Variants in MBNL2 observed in about 807,000 individuals in gnomAD.
MBNL2 encodes the protein muscleblind like splicing regulator 2.
A neutral mutation model predicts 41.9 loss-of-function variants in MBNL2; 17 were observed. That is an observed-to-expected ratio of 0.41 (90% CI 0.28 to 0.61). The LOEUF is 0.61. Ranked by LOEUF, MBNL2 falls within the 20% of genes least tolerant of loss-of-function variation. MBNL2 has a pLI of 0.35. For synonymous variants in MBNL2, 195 were observed against 182.9 expected (o/e 1.07, Z -0.53); for missense variants, 336 against 505.6 (o/e 0.66, Z 3.22).
At chr13:97,269,259 A>G (rs1461370741) in intron 1 of MBNL2, among the ~76,000 whole-genome samples, 3 of 152,244 alleles carry the variant, frequency 2.0e-5, no homozygotes, top group Non-Finnish European at 2.9e-5. Context: ...AGAGACTTAC[A>G]CAAAACTGGA....
At chr13:97,360,016 G>T (rs1198060495) in intron 7 of MBNL2, among the ~76,000 whole-genome samples, 2 of 152,066 alleles carry the variant, frequency 1.3e-5, no homozygotes, top group Non-Finnish European at 2.9e-5. Context: ...TTTCTAAAAT[G>T]ATAATGGTAA....
the MBNL2 span, among the ~76,000 whole-genome samples, chr13:97,148,049 G>A: frequency 6.6e-6 from 1 of 152,146 alleles, no homozygotes; most frequent in African/African-American, 2.4e-5. Flanking sequence ...GAAAGAAGAG[G>A]AGTCGGCATG....
At chr13:97,243,487 T>A (rs1460334051) in intron 1 of MBNL2, among the ~76,000 whole-genome samples, 1 of 151,738 alleles carries the variant, frequency 6.6e-6, no homozygotes, top group Non-Finnish European at 1.5e-5. Flanking sequence ...GCTGGGGTAG[T>A]AGGGGTAGGG....
chr13:97,160,664 C>A, the MBNL2 span, among the ~76,000 whole-genome samples: 1 of 152,126 alleles, frequency 6.6e-6, no homozygotes, highest in Non-Finnish European at 1.5e-5. Flanking sequence ...TAGAGCTGAG[C>A]TAATCCATAT....
the MBNL2 span, among the ~76,000 whole-genome samples, chr13:97,163,888 T>C: frequency 6.6e-6 from 1 of 152,204 alleles, no homozygotes; most frequent in African/African-American, 2.4e-5. Context: ...ATTGGAGTTT[T>C]GCATCTACAA....
At chr13:97,276,816 CT>C (rs569822869) in intron 2 of MBNL2, among the ~76,000 whole-genome samples, 2,029 of 142,702 alleles carry the variant, frequency 0.014, 16 homozygotes, top group South Asian at 0.033. Flanking sequence ...ATTCTTATGG[CT>C]TTTTTTTTTT....
the MBNL2 span, chr13:97,172,369 A>G: frequency 6.6e-6 from 1 of 152,220 alleles, no homozygotes; most frequent in African/African-American, 2.4e-5. Flanking sequence ...TTGGATGTCA[A>G]ATAAAACTGA....
chr13:97,158,914 A>G, the MBNL2 span, among the ~76,000 whole-genome samples: 30 of 151,134 alleles, frequency 2.0e-4, no homozygotes, highest in South Asian at 1.3e-3. Context: ...TATTAGGTCC[A>G]CTTGGTGCAG....
At chr13:97,152,514 G>C in the MBNL2 span, among the ~76,000 whole-genome samples, 10 of 152,062 alleles carry the variant, frequency 6.6e-5, 1 homozygote, top group Non-Finnish European at 1.3e-4. Flanking sequence ...CAAAATACTA[G>C]AGACAAAGAA....
the MBNL2 span, among the ~76,000 whole-genome samples, chr13:97,210,315 G>C: frequency 6.6e-6 from 1 of 152,100 alleles, no homozygotes; most frequent in Non-Finnish European, 1.5e-5. Context: ...GTGTTTCTTA[G>C]TCAGGGACCC....
intron 2 of MBNL2, among the ~76,000 whole-genome samples, chr13:97,306,729 G>A (rs1179767922): frequency 6.6e-6 from 1 of 152,214 alleles, no homozygotes; most frequent in African/African-American, 2.4e-5. Flanking sequence ...AAAGAGATGA[G>A]GAGAATAGGT....
At chr13:97,306,181 T>C (rs886966055) in intron 2 of MBNL2, among the ~76,000 whole-genome samples, 2 of 152,250 alleles carry the variant, frequency 1.3e-5, no homozygotes, top group African/African-American at 4.8e-5. Context: ...CCTAACTTAA[T>C]AGGAGATTTC....
At chr13:97,192,168 G>C in the MBNL2 span, among the ~76,000 whole-genome samples, 1,104 of 152,302 alleles carry the variant, frequency 7.2e-3, 8 homozygotes, top group African/African-American at 0.025. Context: ...TTCAGATACT[G>C]AAGCAGAAAG....
intron 5 of MBNL2, among the ~76,000 whole-genome samples, chr13:97,347,556 T>G (rs1200394008): frequency 6.6e-6 from 1 of 152,222 alleles, no homozygotes; most frequent in East Asian, 1.9e-4. Context: ...CTCCTCTTCT[T>G]TCACTTATTA....
intron 2 of MBNL2, among the ~76,000 whole-genome samples, chr13:97,310,041 A>AG (rs2058451384): frequency 6.6e-6 from 1 of 152,192 alleles, no homozygotes; most frequent in African/African-American, 2.4e-5. Flanking sequence ...GAGGCCTAGG[A>AG]GGGTGGTAAG....
the MBNL2 span, among the ~76,000 whole-genome samples, chr13:97,197,648 T>C: frequency 6.6e-6 from 1 of 152,186 alleles, no homozygotes; most frequent in Non-Finnish European, 1.5e-5. Flanking sequence ...TGAACATTTG[T>C]TTGTGTTCTT....
At chr13:97,341,541 C>G (rs114382998) in intron 3 of MBNL2, among the ~76,000 whole-genome samples, 187 of 152,294 alleles carry the variant, frequency 1.2e-3, no homozygotes, top group African/African-American at 4.1e-3. Flanking sequence ...TAACTGCCAT[C>G]TATTTCCCAC....
chr13:97,346,243 A>AGATGGATG lies in MBNL2; in HGVS notation c.541-537_541-530dup, dbSNP rs3055758. On this transcript the variant is annotated intron_variant, in intron 4 of 8. Transcript: ENST00000679496. The surrounding 1 kb of genome is among the most constrained non-coding windows in gnomAD (Gnocchi z 4.2). ...AAATAATGATAGATTAACAGATAAT[A>AGATGGATG]GATGGATGGATGGATGGATGGATGG... Among the ~76,000 whole-genome samples the AGATGGATG allele has an allele frequency of 6.6e-5, 10 of 150,906 alleles. No individual in the cohort carries two copies. The highest frequency in any genetic ancestry group is 1.5e-4 in the Non-Finnish European group (10 of 67,732).
the MBNL2 span, among the ~76,000 whole-genome samples, chr13:97,214,132 A>G: frequency 6.6e-6 from 1 of 152,166 alleles, no homozygotes; most frequent in Admixed American, 6.5e-5. Flanking sequence ...TTCCATTAAA[A>G]ACTCTTTGTA....
Sources: allele counts gnomAD v4.1 joint callset (sites outside exome capture counted in the v4.1 genomes callset), GRCh38; gene constraint gnomAD v4.1.1; non-coding constraint Gnocchi (gnomAD v3.1); transcripts MANE v1.5; gene names NCBI Gene and HGNC (gene_info 2026-07-23, HGNC 2026-07-21).